CMYA5: variants seen among roughly 807,000 people sequenced by gnomAD.
The protein encoded by CMYA5 is cardiomyopathy-associated protein 5.
In CMYA5, 246 loss-of-function variants were observed where a neutral mutation model predicts 318.9. That is an observed-to-expected ratio of 0.77 (90% CI 0.70 to 0.86). The LOEUF is 0.86. Ranked by LOEUF, CMYA5 falls within the 40% of genes least tolerant of loss-of-function variation. The probability of loss-of-function intolerance (pLI) is 0.00; values close to 1 mark genes in which losing one functional copy is unlikely to be tolerated. For synonymous variants in CMYA5, 1,641 were observed against 1,729.5 expected (o/e 0.95, Z 1.27); for missense variants, 4,589 against 4,678.2 (o/e 0.98, Z 0.56).
Position 79,734,110 on chromosome 5 carries a change from T to C in CMYA5, c.5345T>C (p.Val1782Ala). 1.9e-6 allele frequency: 3 copies of C among 1,613,734 alleles called. No individual in the cohort carries two copies. The African/African-American group carries it at 4.0e-5, about 22-fold the overall frequency. ...LPPTGNLKAQ[V>A]MGDILDKLSE... ...CCAACTGGAAATTTGAAGGCACAAG[T>C]CATGGGAGATATTTTAGATAAGCTA... Residue 1782 changes from valine (V) to alanine (A), a missense_variant, in exon 2 of 13, where the codon GTC becomes GCC. Val to Ala is a moderately conservative substitution (Grantham distance 64, BLOSUM62 0). Coordinates refer to ENST00000446378, the MANE Select transcript of CMYA5 (RefSeq NM_153610.5).
At chr5:79,747,191 A>G (rs1302045706) in intron 5 of CMYA5, 78 bp downstream of exon 5, 1 of 1,379,496 alleles carries the variant, frequency 7.2e-7, no homozygotes, top group East Asian at 2.7e-5. Context: ...TGCTTTATGG[A>G]AAATGAGCTG....
chr5:79,753,084 T>C (rs1249164625), intron 6 of CMYA5, among the ~76,000 whole-genome samples: 1 of 151,620 alleles, frequency 6.6e-6, no homozygotes, highest in Non-Finnish European at 1.5e-5. Context: ...AATTTAAAAA[T>C]AGGATTTCTC....
At position 79,729,574 on chromosome 5, in the gene CMYA5, A is replaced by C; in HGVS notation, c.809A>C (p.Glu270Ala). 1 of 1,613,708 alleles carries C rather than the reference A, an allele frequency of 6.2e-7. No individual in the cohort carries two copies. Among genetic ancestry groups the C allele is most frequent in the Admixed American group, 1.7e-5 (1 of 60,026 alleles). Residue 270 changes from glutamate to alanine, a missense_variant, in exon 2 of 13, where the codon GAG (glutamate) becomes GCG (alanine). Coordinates refer to ENST00000446378, the MANE Select transcript of CMYA5 (RefSeq NM_153610.5). Reference sequence around the variant, plus strand: ...GGGAAAGATGCATCCATTAGTCTAGAGCCAGATTTGGACAATAGTGGTTCT... The same window carrying C: ...GGGAAAGATGCATCCATTAGTCTAGCGCCAGATTTGGACAATAGTGGTTCT... ...RKGKDASISL[E>A]PDLDNSGSNT...
chr5:79,742,859 G>A (rs556107477), intron 2 of CMYA5, among the ~76,000 whole-genome samples: 1 of 152,206 alleles, frequency 6.6e-6, no homozygotes, highest in Non-Finnish European at 1.5e-5. Context: ...GAGTGAAACG[G>A]TGGGGTAGGA....
chr5:79,761,992 C>A, intron 8 of CMYA5, 35 bp downstream of exon 8: 1 of 1,593,490 alleles, frequency 6.3e-7, no homozygotes, highest in Non-Finnish European at 8.5e-7. Flanking sequence ...CATTAGAAGA[C>A]AACGCTCAGT....
rs767997956 is a variant in CMYA5 at position 79,729,139 on chromosome 5, T to C, written c.374T>C (p.Val125Ala). 6.2e-7 allele frequency: 1 copy of C among 1,612,986 alleles called. No homozygotes were observed. The highest frequency in any genetic ancestry group is 1.3e-5 in the African/African-American group (1 of 74,978). ...CCTCCTGGAAATGTTTCCTTTATTG[T>C]GGATGAAGTGAAAAAGGTTCGGAAA... Reference protein sequence around the residue: ...NSPPGNVSFIVDEVKKVRKRT... With the variant: ...NSPPGNVSFIADEVKKVRKRT... Residue 125 changes from valine (V) to alanine (A), a missense_variant, in exon 2 of 13, where the codon GTG becomes GCG. Val to Ala is a moderately conservative substitution (Grantham distance 64). This residue lies in a region of CMYA5 where 2,132 missense variants were observed against 2,131.3 expected (regional missense o/e 1.00). Coordinates refer to ENST00000446378, the MANE Select transcript of CMYA5 (RefSeq NM_153610.5).
At chr5:79,770,200 A>T (rs780748246) in intron 9 of CMYA5, among the ~76,000 whole-genome samples, 6 of 152,202 alleles carry the variant, frequency 3.9e-5, no homozygotes, top group Non-Finnish European at 8.8e-5. Flanking sequence ...CTGTGCTGCC[A>T]GCGAGAATTT....
chr5:79,799,222 C>A, intron 12 of CMYA5, 148 bp from the exon 13 acceptor site: 1 of 742,078 alleles, frequency 1.3e-6, no homozygotes, highest in Non-Finnish European at 2.1e-6. Context: ...TAGAAGAAAT[C>A]TAGTGAAGTA....
chr5:79,725,185 T>C (rs1198483595), intron 1 of CMYA5, among the ~76,000 whole-genome samples: 2 of 152,144 alleles, frequency 1.3e-5, no homozygotes, highest in Admixed American at 6.5e-5. Flanking sequence ...TTGCAGCACT[T>C]CACAATAGCA....
Position 79,729,290 on chromosome 5 carries a change from G to T in CMYA5, c.525G>T (p.Gln175His), listed in dbSNP as rs6895605. ...GCAGTCCTTTAACTTCAGCAAGCCA[G>T]GTACTAACCACGGAGAAAGAGAAGT... ...KKGSPLTSAS[Q>H]VLTTEKEKSY... The change falls in exon 2 of 13, where the codon CAG becomes CAT. Residue 175 changes from glutamine (Q) to histidine (H), a missense_variant. Around this residue, in one of 3 missense-constraint regions of CMYA5, gnomAD observed 2,132 missense variants for 2,131.3 expected, o/e 1.00. Transcript: ENST00000446378. 1,860 of 1,610,588 alleles carry T rather than the reference G, an allele frequency of 1.2e-3. 17 individuals are homozygous for T. In the African/African-American group the frequency reaches 0.023, roughly 20 times the overall value.
intron 12 of CMYA5, among the ~76,000 whole-genome samples, chr5:79,795,407 A>G (rs1328834271): frequency 6.6e-6 from 1 of 152,086 alleles, no homozygotes; most frequent in Non-Finnish European, 1.5e-5. Flanking sequence ...AGATGTCACA[A>G]TTGGGAAGGA....
rs200429399 is a variant in CMYA5 at position 79,737,980 on chromosome 5, C to A, written c.9215C>A (p.Ala3072Asp). Residue 3072 changes from alanine to aspartate, a missense_variant, in exon 2 of 13, where the codon GCT becomes GAT. This residue lies in a region of CMYA5 where 2,431 missense variants were observed against 2,495.1 expected (regional missense o/e 0.97). Coordinates refer to ENST00000446378, the MANE Select transcript of CMYA5 (RefSeq NM_153610.5). The part of the protein sequence containing the change: ...NISPDPEKQK[A>D]PQKLNVEEKL... ...TCCCCAGACCCAGAAAAACAGAAAG[C>A]TCCACAGAAATTAAATGTTGAAGAG... 1.1e-5 allele frequency: 17 copies of A among 1,613,454 alleles called. No individual in the cohort carries two copies. In the South Asian group the frequency reaches 1.4e-4, roughly 14 times the overall value.
chr5:79,690,425 C>T (rs1826945642), intron 1 of CMYA5, among the ~76,000 whole-genome samples: 1 of 152,128 alleles, frequency 6.6e-6, no homozygotes, highest in South Asian at 2.1e-4. Context: ...GGGGTGGAGG[C>T]GGTGAAGGCG....
chr5:79,704,843 C>A (rs952811712), intron 1 of CMYA5, among the ~76,000 whole-genome samples: 1 of 152,174 alleles, frequency 6.6e-6, no homozygotes, highest in Non-Finnish European at 1.5e-5. Flanking sequence ...CTAAATATAC[C>A]TCTGGCCCCT....
chr5:79,752,548 TAG>T, intron 5 of CMYA5, 126 bp from the exon 6 acceptor site: 1 of 562,200 alleles, frequency 1.8e-6, no homozygotes, highest in Non-Finnish European at 3.1e-6. Context: ...CTTTTTTGGA[TAG>T]AGTGAGAGGC....
chr5:79,718,156 G>C lies in CMYA5; in HGVS notation c.150-10759G>C, dbSNP rs1255003173. 2.7e-4 allele frequency among the ~76,000 whole-genome samples: 13 copies of C among 47,730 alleles called. 2 individuals are homozygous for C. Among genetic ancestry groups the C allele is most frequent in the African/African-American group, 6.7e-4 (4 of 6,000 alleles). 31.3% of individuals were successfully genotyped at this position (47,730 alleles called of 152,430 possible). A position where few individuals can be genotyped will look rare whatever the true frequency, so the allele number is the denominator to read the frequency against. On this transcript the variant is annotated intron_variant, in intron 1 of 12. Coordinates refer to ENST00000446378, the MANE Select transcript of CMYA5 (RefSeq NM_153610.5). The stretch of plus-strand genomic sequence containing the variant: ...CCCGCCTCGGCCTCCCAAAGTGCTG[G>C]GATTACAGGTGTGAGCCACCGCACC...
At chr5:79,693,336 A>ATTTTTTTTTTTTTTTTTTTTTTT (rs11319092) in intron 1 of CMYA5, among the ~76,000 whole-genome samples, 2 of 135,634 alleles carry the variant, frequency 1.5e-5, no homozygotes, top group Non-Finnish European at 1.6e-5. Flanking sequence ...AAGTCACACA[A>ATTTTTTTTTTTTTTTTTTTTTTT]TTTTTTTTTT....
chr5:79,731,021 C>T lies in CMYA5; in HGVS notation c.2256C>T (p.Pro752=), dbSNP rs1205479204. The part of the protein sequence containing the change: ...FTPAVAPASE[P]SLSPSTTEKT... ...CAGCTGTGGCCCCTGCTTCTGAGCC[C>T]TCTCTCTCACCATCCACAACCGAAA... Residue 752 remains proline (P), a synonymous_variant, in exon 2 of 13, where the codon CCC becomes CCT. Transcript: ENST00000446378. 1 of 1,613,870 alleles carries T rather than the reference C, an allele frequency of 6.2e-7. No individual in the cohort carries two copies.
At position 79,689,916 on chromosome 5, in the gene CMYA5, C is replaced by A; in HGVS notation, c.9C>A (p.Ser3Arg). ...CAGGCCCGGGAGAGGCGATGGCGAGCCGCGATAGCAACCACGCTGGCGAGA... is the reference window on the plus strand; with the variant it reads ...CAGGCCCGGGAGAGGCGATGGCGAGACGCGATAGCAACCACGCTGGCGAGA... MA[S>R]RDSNHAGESF... The change falls in exon 1 of 13, where the codon AGC becomes AGA. Residue 3 changes from serine to arginine, a missense_variant. By Grantham distance (110) the Ser-to-Arg change is moderately radical. Coordinates refer to ENST00000446378, the MANE Select transcript of CMYA5 (RefSeq NM_153610.5). 2 of 854,738 alleles carry A rather than the reference C, an allele frequency of 2.3e-6. No individual in the cohort carries two copies. The highest frequency in any genetic ancestry group is 3.9e-6 in the Non-Finnish European group (2 of 519,400). 52.9% of individuals were successfully genotyped at this position (854,738 alleles called of 1,614,324 possible).
Sources: gnomAD v4.1 joint callset for allele counts (sites outside exome capture counted in the v4.1 genomes callset) on GRCh38, gnomAD v4.1.1 for gene constraint, gnomAD v4.1.1 regional missense constraint, MANE v1.5 for transcripts, NCBI Gene and HGNC (gene_info 2026-07-23, HGNC 2026-07-21) for gene names.